The following PDGFRL variants were observed in gnomAD, a reference collection of about 807,000 sequenced individuals.
The protein encoded by PDGFRL is platelet-derived growth factor receptor-like protein.
PDGFRL carries 46 observed loss-of-function variants against 37.2 expected under a neutral mutation model. The ratio of observed to expected loss-of-function variants is 1.24; its 90% CI spans 0.98 to 1.58. The LOEUF is 1.58. PDGFRL is among the 40% of genes most tolerant of loss of function. The pLI, the probability that PDGFRL is intolerant of heterozygous loss-of-function variation, is 0.00. For missense variants in PDGFRL, 692 were observed against 467.6 expected, an observed-to-expected ratio of 1.48 and a Z score of -4.43; for synonymous variants, 251 against 184.3, an observed-to-expected ratio of 1.36 and a Z score of -2.93.
rs191800773 is a variant in PDGFRL, at chr8:17,584,832, G to C, written c.56-4636G>C. Reference sequence around the variant, plus strand: ...TCGTGTAAGAAAGAATTCGGAGTGAGTCCATAGAAGTAAAGTGAAAGCAAA... The same window carrying C: ...TCGTGTAAGAAAGAATTCGGAGTGACTCCATAGAAGTAAAGTGAAAGCAAA... On this transcript the variant is annotated intron_variant, in intron 1 of 5. Coordinates refer to ENST00000251630, the MANE Select transcript of PDGFRL (RefSeq NM_001372073.1). 8.8e-4 allele frequency among the ~76,000 whole-genome samples: 134 copies of C among 152,030 alleles called. No individual in the cohort carries two copies. In the Middle Eastern group the frequency reaches 0.01, roughly 12 times the overall value.
chr8:17,627,533 C>G (rs537832336), intron 3 of PDGFRL, among the ~76,000 whole-genome samples: 15 of 150,596 alleles, frequency 1.0e-4, no homozygotes, highest in African/African-American at 3.7e-4. Flanking sequence ...GTGGCATGAT[C>G]TCAGCTCACA....
At chr8:17,641,725 T>G (rs976661081) in intron 5 of PDGFRL, among the ~76,000 whole-genome samples, 7 of 152,190 alleles carry the variant, frequency 4.6e-5, no homozygotes, top group African/African-American at 1.7e-4. Context: ...CAGAAGAGAT[T>G]TGGCCTCCAC....
intron 3 of PDGFRL, 106 bp from the exon 4 acceptor site, chr8:17,628,381 C>T (rs375037058): frequency 1.3e-6 from 1 of 774,392 alleles, no homozygotes; most frequent in African/African-American, 1.7e-5. Context: ...CCGGCCTTTC[C>T]TACTCCTAAG....
intron 3 of PDGFRL, among the ~76,000 whole-genome samples, chr8:17,624,379 A>T (rs1443068143): frequency 6.6e-6 from 1 of 152,134 alleles, no homozygotes; most frequent in Non-Finnish European, 1.5e-5. Context: ...TTTCATCTTG[A>T]TCCAGGAGGA....
intron 2 of PDGFRL, among the ~76,000 whole-genome samples, chr8:17,612,868 C>A (rs1225476246): frequency 6.6e-6 from 1 of 152,036 alleles, no homozygotes; most frequent in Admixed American, 6.6e-5. Context: ...CTAACTTTCC[C>A]CCTAATCTGT....
At chr8:17,581,225 A>G (rs530157529) in intron 1 of PDGFRL, among the ~76,000 whole-genome samples, 1 of 152,212 alleles carries the variant, frequency 6.6e-6, no homozygotes, top group South Asian at 2.1e-4. Context: ...GAAACAAGGA[A>G]GCAAACCCCG....
chr8:17,582,076 T>G (rs1803719366), intron 1 of PDGFRL, among the ~76,000 whole-genome samples: 1 of 152,144 alleles, frequency 6.6e-6, no homozygotes, highest in Non-Finnish European at 1.5e-5. Context: ...ATATAGACAG[T>G]AAAGTTCATG....
intron 2 of PDGFRL, among the ~76,000 whole-genome samples, chr8:17,593,481 C>T (rs1803986130): frequency 6.6e-6 from 1 of 151,546 alleles, no homozygotes; most frequent in South Asian, 2.1e-4. Flanking sequence ...TCCTGTAGTC[C>T]CAGCTACTTG....
chr8:17,612,732 A>G (rs1205630631), intron 2 of PDGFRL, among the ~76,000 whole-genome samples: 1 of 152,212 alleles, frequency 6.6e-6, no homozygotes, highest in African/African-American at 2.4e-5. Context: ...CTTAAAAACT[A>G]TAAATAAGCA....
chr8:17,626,399 A>G (rs1195363151), intron 3 of PDGFRL, among the ~76,000 whole-genome samples: 4 of 152,180 alleles, frequency 2.6e-5, no homozygotes, highest in African/African-American at 7.2e-5. Flanking sequence ...TCTCTGAGCC[A>G]TGATATACTC....
At chr8:17,605,126 G>T (rs563255157) in intron 2 of PDGFRL, among the ~76,000 whole-genome samples, 10 of 152,168 alleles carry the variant, frequency 6.6e-5, no homozygotes, top group Admixed American at 3.3e-4. Flanking sequence ...CAGAAAGAAT[G>T]AAAGAAGGGA....
At chr8:17,589,446 T>C (rs1423668012) in intron 1 of PDGFRL, 22 bp from the exon 2 acceptor site, 1 of 1,585,358 alleles carries the variant, frequency 6.3e-7, no homozygotes, top group South Asian at 1.1e-5. Context: ...ACAGCGCATT[T>C]CTCTCTCCTT....
chr8:17,620,899 GTTTGACAAGTCAAACACATTC>G, intron 2 of PDGFRL, 131 bp from the exon 3 acceptor site: 1 of 398,852 alleles, frequency 2.5e-6, no homozygotes, highest in Non-Finnish European at 4.4e-6. Context: ...TTCTAGGGGT[GTTTGACAAGTCAAACACATTC>G]TTATATTACT....
chr8:17,579,824 G>C (rs1803668680), intron 1 of PDGFRL, among the ~76,000 whole-genome samples: 1 of 151,990 alleles, frequency 6.6e-6, no homozygotes, highest in Non-Finnish European at 1.5e-5. Flanking sequence ...CATGAAGATG[G>C]GGAGCTGGAA....
At chr8:17,606,481 C>G (rs1247527222) in intron 2 of PDGFRL, among the ~76,000 whole-genome samples, 17 of 152,190 alleles carry the variant, frequency 1.1e-4, no homozygotes, top group Admixed American at 1.1e-3. Flanking sequence ...TAATACTTGC[C>G]TTCAAATGGT....
intron 2 of PDGFRL, among the ~76,000 whole-genome samples, chr8:17,597,333 T>G (rs1361943614): frequency 1.3e-5 from 2 of 152,238 alleles, no homozygotes; most frequent in Non-Finnish European, 2.9e-5. Flanking sequence ...GCCTTGTAGT[T>G]ATAACCAATA....
rs1804310090 is a variant in PDGFRL, at chr8:17,607,598, T to TG, written c.354-13449dup. ...CACCAACTATGTTAGATGATAATTT[T>TG]GGGGCATCTTGCAAGATGGAGCATT... On this transcript the variant is annotated intron_variant, in intron 2 of 5. Coordinates refer to ENST00000251630, the MANE Select transcript of PDGFRL (RefSeq NM_001372073.1). 2.0e-5 allele frequency among the ~76,000 whole-genome samples: 3 copies of TG among 152,314 alleles called. No individual in the cohort carries two copies. In the South Asian group the frequency reaches 6.2e-4, roughly 32 times the overall value.
upstream of PDGFRL, chr8:17,577,069 T>A: frequency 4.1e-6 from 1 of 245,416 alleles, no homozygotes; most frequent in South Asian, 5.3e-5. Context: ...AGAAGTCACA[T>A]TACACAGAGA....
intron 2 of PDGFRL, among the ~76,000 whole-genome samples, chr8:17,601,017 C>A (rs1804155631): frequency 6.6e-6 from 1 of 152,116 alleles, no homozygotes; most frequent in Non-Finnish European, 1.5e-5. Flanking sequence ...CATGATCTTT[C>A]TCCACACCTG....
Sources: gnomAD v4.1 joint callset for allele counts (sites outside exome capture counted in the v4.1 genomes callset) on GRCh38, gnomAD v4.1.1 for gene constraint, MANE v1.5 for transcripts, NCBI Gene and HGNC (gene_info 2026-07-23, HGNC 2026-07-21) for gene names.